RGPD1: variants seen among roughly 807,000 people sequenced by gnomAD.
RGPD1 encodes the protein RANBP2 like and GRIP domain containing 1.
RGPD1 carries 7 observed loss-of-function variants against 40.6 expected under a neutral mutation model. The ratio of observed to expected loss-of-function variants is 0.17; its 90% CI spans 0.10 to 0.32. RGPD1 has a LOEUF of 0.32. Ranked by LOEUF, RGPD1 falls within the 10% of genes least tolerant of loss-of-function variation. The probability of loss-of-function intolerance (pLI) is 1.00; values close to 1 mark genes in which losing one functional copy is unlikely to be tolerated. For synonymous variants in RGPD1, 24 were observed against 167.0 expected, an observed-to-expected ratio of 0.14 and a Z score of 6.60; for missense variants, 50 against 472.5, an observed-to-expected ratio of 0.11 and a Z score of 8.29.
intron 4 of RGPD1, among the ~76,000 whole-genome samples, chr2:86,956,871 G>A (rs1173732724): frequency 9.0e-6 from 1 of 111,604 alleles, no homozygotes; most frequent in African/African-American, 4.4e-5. Context: ...AGGGTACGTA[G>A]GCCCTCAGTG....
chr2:86,935,770 TTC>T (rs1226131710), intron 1 of RGPD1, among the ~76,000 whole-genome samples: 1 of 127,156 alleles, frequency 7.9e-6, no homozygotes. Flanking sequence ...GGTAAGCTAA[TTC>T]TGTTTGGTTT....
chr2:86,931,838 TAC>T (rs1318090351), intron 1 of RGPD1, among the ~76,000 whole-genome samples: 1 of 149,002 alleles, frequency 6.7e-6, no homozygotes, highest in Non-Finnish European at 1.5e-5. Context: ...ACCCTCATGA[TAC>T]TCAATATTTT....
intron 1 of RGPD1, among the ~76,000 whole-genome samples, chr2:86,924,329 T>C (rs1678294113): frequency 6.7e-6 from 1 of 149,964 alleles, no homozygotes; most frequent in African/African-American, 2.5e-5. Flanking sequence ...CTAATTTTTG[T>C]ATTTTTAGTA....
Position 86,929,689 on chromosome 2 carries a change from C to CTTT in RGPD1, c.72+15793_72+15795dup, listed in dbSNP as rs753911867. Among the ~76,000 whole-genome samples, 92 of 52,626 alleles carry CTTT rather than the reference C, an allele frequency of 1.7e-3. 10 individuals carry two copies. Among genetic ancestry groups the CTTT allele is most frequent in the African/African-American group, 2.5e-3 (38 of 14,918 alleles). The allele number at this position is 52,626 out of a possible 152,430, so 34.5% of individuals were successfully genotyped here. A position where few individuals can be genotyped will look rare whatever the true frequency, so the allele number is the denominator to read the frequency against. On this transcript the variant is annotated intron_variant, in intron 1 of 22. Transcript: ENST00000398193. The stretch of plus-strand genomic sequence containing the variant: ...GTAACCTGACTCCAGAGCCCACACT[C>CTTT]TTTTTTTTTTTTTTTTTTTTTTTTT...
chr2:86,918,537 A>G (rs1371775555), intron 1 of RGPD1, among the ~76,000 whole-genome samples: 1 of 135,614 alleles, frequency 7.4e-6, no homozygotes. Context: ...TCAGCTCACT[A>G]CAGGCTCTGC....
intron 1 of RGPD1, among the ~76,000 whole-genome samples, chr2:86,923,033 C>CT (rs1196456916): frequency 0.013 from 715 of 54,472 alleles, 49 homozygotes; most frequent in Non-Finnish European, 0.018. Context: ...TGGTATATTC[C>CT]TTTTTTTTTT....
At chr2:86,928,815 A>T (rs1368861843) in intron 1 of RGPD1, among the ~76,000 whole-genome samples, 1 of 152,182 alleles carries the variant, frequency 6.6e-6, no homozygotes, top group East Asian at 1.9e-4. Context: ...TTGAAATGTT[A>T]GTTGAAATGA....
intron 1 of RGPD1, among the ~76,000 whole-genome samples, chr2:86,945,693 C>T (rs1457356255): frequency 2.0e-5 from 3 of 151,728 alleles, no homozygotes; most frequent in South Asian, 2.1e-4. Flanking sequence ...GCCTGACCAA[C>T]ATGGTGAAAA....
chr2:86,931,667 A>G (rs1336235955), intron 1 of RGPD1, among the ~76,000 whole-genome samples: 2 of 152,026 alleles, frequency 1.3e-5, no homozygotes, highest in South Asian at 2.1e-4. Flanking sequence ...CTGTTAATAC[A>G]TTTTCATAAA....
intron 6 of RGPD1, among the ~76,000 whole-genome samples, chr2:86,960,962 G>A (rs1393621858): frequency 2.5e-4 from 4 of 16,032 alleles, no homozygotes; most frequent in African/African-American, 1.7e-3. Flanking sequence ...ATCTCTTGAC[G>A]TCGTGATCCG....
upstream of RGPD1, among the ~76,000 whole-genome samples, chr2:86,941,964 G>C (rs574803495): frequency 5.6e-4 from 85 of 151,144 alleles, no homozygotes; most frequent in East Asian, 1.6e-3. Context: ...CGCCCGCCTC[G>C]GCCTCCCAAA....
chr2:86,913,951 TCGACCTGGCGGGGCGGTGGC>T, intron 1 of RGPD1: 1 of 1,304,700 alleles, frequency 7.7e-7, no homozygotes, highest in Non-Finnish European at 1.0e-6. Flanking sequence ...ACCGACGGCC[TCGACCTGGCGGGGCGGTGGC>T]CTCGACCTGG....
chr2:86,929,390 C>G (rs2104702308), intron 1 of RGPD1, among the ~76,000 whole-genome samples: 1 of 152,104 alleles, frequency 6.6e-6, no homozygotes. Flanking sequence ...CACAGTGGCC[C>G]TGCTTCAGTT....
intron 1 of RGPD1, among the ~76,000 whole-genome samples, chr2:86,914,332 GGGCGGC>G (rs1247052388): frequency 2.3e-3 from 25 of 10,996 alleles, no homozygotes; most frequent in South Asian, 3.1e-3. Context: ...CGGCCTGGCC[GGGCGGC>G]GGCGGCGGCG....
At chr2:86,915,199 G>C (rs1677734896) in intron 1 of RGPD1, among the ~76,000 whole-genome samples, 1 of 150,556 alleles carries the variant, frequency 6.6e-6, no homozygotes. Context: ...GGGAGTCTGA[G>C]GCAGGAGAAT....
intron 22 of RGPD1, among the ~76,000 whole-genome samples, chr2:86,998,787 C>G (rs1189717173): frequency 3.0e-4 from 1 of 3,366 alleles, no homozygotes; most frequent in Non-Finnish European, 5.0e-4. Flanking sequence ...TCACCCATCT[C>G]TAACGGTTTT....
At chr2:87,000,262 C>G (rs1485936023) in intron 22 of RGPD1, among the ~76,000 whole-genome samples, 1 of 136,822 alleles carries the variant, frequency 7.3e-6, no homozygotes, top group Admixed American at 6.9e-5. Context: ...GTTTTCAATA[C>G]AACAATGATA....
intron 1 of RGPD1, among the ~76,000 whole-genome samples, chr2:86,931,957 TTA>T (rs1184354454): frequency 5.9e-4 from 87 of 148,426 alleles, no homozygotes; most frequent in African/African-American, 1.7e-3. Context: ...ATTATATTCA[TTA>T]TATATATATT....
At position 86,913,957 on chromosome 2, in the gene RGPD1, T is replaced by A; in HGVS notation, c.72+36T>A. 2 of 1,256,616 alleles carry A rather than the reference T, an allele frequency of 1.6e-6. 1 individual carries two copies. The highest frequency in any genetic ancestry group is 2.1e-6 in the Non-Finnish European group (2 of 957,428). The allele number at this position is 1,256,616 out of a possible 1,614,324, so 77.8% of individuals were successfully genotyped here. ...CTCGAAGAGACCGACGGCCTCGACC[T>A]GGCGGGGCGGTGGCCTCGACCTGGC... On this transcript the variant is annotated intron_variant, in intron 1 of 22. Transcript: ENST00000398193.
Sources: gnomAD v4.1 joint callset for allele counts (sites outside exome capture counted in the v4.1 genomes callset) on GRCh38, gnomAD v4.1.1 for gene constraint, MANE v1.5 for transcripts, NCBI Gene and HGNC (gene_info 2026-07-23, HGNC 2026-07-21) for gene names.